VPS39: variants seen among roughly 807,000 people sequenced by gnomAD.
VPS39 encodes VPS39 subunit of HOPS complex, also known as vam6/Vps39-like protein.
VPS39 carries 70 observed loss-of-function variants against 121.0 expected under a neutral mutation model. The ratio of observed to expected loss-of-function variants is 0.58; its 90% confidence interval spans 0.48 to 0.71. The LOEUF (loss-of-function observed/expected upper bound fraction) is 0.71. VPS39 is among the 30% of genes least tolerant of loss of function. The probability of loss-of-function intolerance (pLI) is 0.00; values close to 1 mark genes in which losing one functional copy is unlikely to be tolerated. For synonymous variants in VPS39, 378 were observed against 398.1 expected (o/e 0.95, Z 0.60); for missense variants, 818 against 1,051.5 (o/e 0.78, Z 3.07).
intron 1 of VPS39, 72 bp from the exon 2 acceptor site, chr15:42,200,033 T>A: frequency 1.4e-6 from 2 of 1,400,844 alleles, no homozygotes; most frequent in Non-Finnish European, 1.9e-6. Context: ...TCAGCTTGAG[T>A]ATAACCCTAT....
At position 42,193,973 on chromosome 15, in the gene VPS39, A is replaced by G. The variant is rs1050223623; in HGVS notation, c.140-2413T>C. Among the ~76,000 whole-genome samples, 5 of 152,192 alleles carry G rather than the reference A, an allele frequency of 3.3e-5. 1 individual carries two copies. The South Asian group carries it at 8.3e-4, about 25-fold the overall frequency. ...CCAGTTTAGCTCGTAACTCAATCACATAAGCATTTTTCCCTTGAGACAGCT... is the reference window on the plus strand; with the variant it reads ...CCAGTTTAGCTCGTAACTCAATCACGTAAGCATTTTTCCCTTGAGACAGCT... On this transcript the variant is annotated intron_variant, in intron 2 of 24. Coordinates refer to ENST00000318006, the MANE Select transcript of VPS39 (RefSeq NM_015289.5).
At chr15:42,207,514 C>T (rs552252837) in intron 1 of VPS39, among the ~76,000 whole-genome samples, 27 of 152,278 alleles carry the variant, frequency 1.8e-4, no homozygotes, top group Non-Finnish European at 7.3e-5. Flanking sequence ...AGTTAGGTAA[C>T]TTGGACACTT....
intron 10 of VPS39, among the ~76,000 whole-genome samples, chr15:42,174,702 G>A (rs535040451): frequency 2.6e-4 from 39 of 152,146 alleles, no homozygotes; most frequent in Non-Finnish European, 5.0e-4. Flanking sequence ...GGCCAGGCAC[G>A]GTGGCTCATG....
chr15:42,191,009 T>A, intron 4 of VPS39, 116 bp downstream of exon 4: 1 of 1,194,928 alleles, frequency 8.4e-7, no homozygotes, highest in Non-Finnish European at 1.2e-6. Context: ...TTATACCAGG[T>A]TTGGAACACG....
chr15:42,189,593 G>A (rs112839704), intron 4 of VPS39, among the ~76,000 whole-genome samples: 10,027 of 151,732 alleles, frequency 0.066, 722 homozygotes, highest in Admixed American at 0.17. Flanking sequence ...GCTGGGTATG[G>A]TGGTGGGTGC....
rs2050026931 is a variant in VPS39 at position 42,199,805 on chromosome 15, C to G, written c.139+91G>C. On this transcript the variant is annotated intron_variant, in intron 2 of 24. Transcript: ENST00000318006. ...CCGTGCTCCCTCTAACCTTCAATCT[C>G]TCTTTTAATGGTCCAGGAATAACTG... 2.2e-6 allele frequency: 3 copies of G among 1,393,732 alleles called. No homozygotes were observed. In the South Asian group the frequency reaches 4.3e-5, roughly 20 times the overall value. The allele number at this position is 1,393,732 out of a possible 1,614,324, so 86.3% of individuals were successfully genotyped here. A position where few individuals can be genotyped will look rare whatever the true frequency, so the allele number is the denominator to read the frequency against.
intron 7 of VPS39, among the ~76,000 whole-genome samples, chr15:42,184,958 C>T (rs2049669865): frequency 6.6e-6 from 1 of 152,228 alleles, no homozygotes; most frequent in Non-Finnish European, 1.5e-5. Context: ...AACTCACATT[C>T]ACTGCTGGTG....
intron 12 of VPS39, among the ~76,000 whole-genome samples, chr15:42,167,844 G>C (rs377112335): frequency 6.6e-6 from 1 of 152,202 alleles, no homozygotes; most frequent in Non-Finnish European, 1.5e-5. Flanking sequence ...TGCTACATAA[G>C]GGGTAGGGCA....
chr15:42,194,807 A>G (rs980180292), intron 2 of VPS39, among the ~76,000 whole-genome samples: 3 of 151,972 alleles, frequency 2.0e-5, no homozygotes, highest in African/African-American at 7.3e-5. Flanking sequence ...GCTTGGTACC[A>G]CTGTTTTTTT....
chr15:42,179,609 AT>A (rs2049535498), intron 8 of VPS39, among the ~76,000 whole-genome samples: 1 of 142,660 alleles, frequency 7.0e-6, no homozygotes, highest in African/African-American at 2.8e-5. Flanking sequence ...AAATAAATAA[AT>A]AAATAAATAA....
chr15:42,166,527 G>T, intron 15 of VPS39, 36 bp downstream of exon 15: 1 of 1,608,544 alleles, frequency 6.2e-7, no homozygotes, highest in Non-Finnish European at 8.5e-7. Context: ...ATTTGAACAG[G>T]AGCGCTTTCC....
chr15:42,161,892 G>A (rs2049134487), intron 23 of VPS39, 119 bp from the exon 24 acceptor site: 1 of 1,581,226 alleles, frequency 6.3e-7, no homozygotes, highest in Admixed American at 1.7e-5. Context: ...TAGAACATTG[G>A]CAATTCAATG....
chr15:42,208,216 C>T lies in VPS39; in HGVS notation c.-63G>A. On this transcript the variant is annotated 5_prime_UTR_variant, in exon 1 of 25. Coordinates refer to ENST00000318006, the MANE Select transcript of VPS39 (RefSeq NM_015289.5). ...GAGTGTTCCGGGCCGGGCTGGGGTC[C>T]GGAACGAGTCTGGGCTAAGGGTAGA... The T allele has an allele frequency of 6.5e-7, 1 of 1,548,342 alleles. No homozygotes were observed. The highest frequency in any genetic ancestry group is 8.7e-7 in the Non-Finnish European group (1 of 1,145,100).
chr15:42,182,700 C>G (rs897876474), intron 8 of VPS39, among the ~76,000 whole-genome samples: 1 of 152,180 alleles, frequency 6.6e-6, no homozygotes, highest in Non-Finnish European at 1.5e-5. Flanking sequence ...AGGGAAGCAC[C>G]AAGAAGTGAC....
chr15:42,191,740 C>G (rs1433760000), intron 2 of VPS39, among the ~76,000 whole-genome samples, 180 bp from the exon 3 acceptor site: 1 of 152,208 alleles, frequency 6.6e-6, no homozygotes, highest in Non-Finnish European at 1.5e-5. Flanking sequence ...GCTTTCAACT[C>G]TAATTTTAGA....
chr15:42,169,934 A>C, intron 11 of VPS39, 68 bp from the exon 12 acceptor site: 1 of 1,481,302 alleles, frequency 6.8e-7, no homozygotes, highest in Non-Finnish European at 9.1e-7. Context: ...ATAAAACAGG[A>C]CTATTACTAT....
At chr15:42,190,000 A>G (rs1259456742) in intron 4 of VPS39, among the ~76,000 whole-genome samples, 1 of 151,714 alleles carries the variant, frequency 6.6e-6, no homozygotes, top group Non-Finnish European at 1.5e-5. Context: ...TTTTTTGTGG[A>G]GATGAGGTCT....
chr15:42,159,266 C>G lies in VPS39; in HGVS notation c.*1488G>C, dbSNP rs1319768102. 2 of 152,262 alleles carry G rather than the reference C, an allele frequency of 1.3e-5. No homozygotes were observed. Among genetic ancestry groups the G allele is most frequent in the African/African-American group, 4.8e-5 (2 of 41,444 alleles). The allele number at this position is 152,262 out of a possible 1,614,324, so 9.4% of individuals were successfully genotyped here. ...AAGCCTAGTCTACTTACCATCAGCA[C>G]GTTGATCTGTCACACAGCATGGAGC... On this transcript the variant is annotated 3_prime_UTR_variant, in exon 25 of 25. Transcript: ENST00000318006.
chr15:42,161,920 T>A (rs2049135332), intron 23 of VPS39, 112 bp downstream of exon 23: 1 of 1,588,996 alleles, frequency 6.3e-7, no homozygotes, highest in African/African-American at 1.3e-5. Context: ...GGCTACTGGA[T>A]CAGCTTGAGC....
Sources: allele counts gnomAD v4.1 joint callset (sites outside exome capture counted in the v4.1 genomes callset), GRCh38; gene constraint gnomAD v4.1.1; transcripts MANE v1.5; gene names NCBI Gene and HGNC (gene_info 2026-07-23, HGNC 2026-07-21).